SLIT1: variants seen among roughly 807,000 people sequenced by gnomAD.
SLIT1 encodes slit homolog 1 protein.
A neutral mutation model predicts 186.1 loss-of-function variants in SLIT1; 66 were observed. The observed-to-expected ratio is 0.35, with a 90% CI of 0.29 to 0.44. SLIT1 has a LOEUF of 0.44. SLIT1 is among the 20% of genes least tolerant of loss of function. The probability of loss-of-function intolerance (pLI) is 1.00; values close to 1 mark genes in which losing one functional copy is unlikely to be tolerated. For synonymous variants in SLIT1, 761 were observed against 833.8 expected (o/e 0.91, Z 1.50); for missense variants, 1,638 against 2,037.4 (o/e 0.80, Z 3.77).
intron 1 of SLIT1, among the ~76,000 whole-genome samples, chr10:97,166,422 AG>A (rs1850107614): frequency 1.3e-5 from 2 of 151,700 alleles, no homozygotes; most frequent in South Asian, 2.1e-4. Context: ...AGGCTGAGGC[AG>A]GAGAACTGCT....
At chr10:97,113,356 A>G (rs1849481660) in intron 4 of SLIT1, among the ~76,000 whole-genome samples, 1 of 151,518 alleles carries the variant, frequency 6.6e-6, no homozygotes, top group African/African-American at 2.4e-5. Flanking sequence ...GTCCTGCCTC[A>G]GCCTCCCAAG....
At chr10:97,125,625 G>A (rs893405312) in intron 4 of SLIT1, among the ~76,000 whole-genome samples, 1 of 151,552 alleles carries the variant, frequency 6.6e-6, no homozygotes, top group African/African-American at 2.4e-5. Flanking sequence ...GATCACCTGA[G>A]GTCAGGAGTT....
At chr10:97,039,501 C>T (rs150613631) in intron 21 of SLIT1, among the ~76,000 whole-genome samples, 3 of 152,274 alleles carry the variant, frequency 2.0e-5, no homozygotes, top group East Asian at 3.9e-4. Flanking sequence ...AAAAACGCAC[C>T]GCTCTCTGAC....
At chr10:97,059,605 C>T (rs1364499925) in intron 10 of SLIT1, 74 bp from the exon 11 acceptor site, 1 of 1,095,210 alleles carries the variant, frequency 9.1e-7, no homozygotes, top group African/African-American at 1.5e-5. Flanking sequence ...GTCCCCTCCA[C>T]CTCCTAGATG....
intron 28 of SLIT1, among the ~76,000 whole-genome samples, chr10:97,016,126 T>C (rs928036332): frequency 1.6e-4 from 25 of 152,072 alleles, no homozygotes; most frequent in Admixed American, 8.5e-4. Flanking sequence ...CTGGCCAACA[T>C]GGTGAAACCC....
rs575299474 is a variant in SLIT1, at chr10:97,018,999, C to G, written c.2855G>C (p.Cys952Ser). Residue 952 changes from cysteine (C) to serine (S), a missense_variant, in exon 27 of 37, where the codon TGC becomes TCC. By Grantham distance (112) the Cys-to-Ser change is moderately radical. This residue lies in a region of SLIT1 where 1,245 missense variants were observed against 1,535.3 expected (regional missense o/e 0.81). Coordinates refer to ENST00000266058, the MANE Select transcript of SLIT1 (RefSeq NM_003061.3). ...NDPLEVYRCACPSGYKGRDCE... is the reference protein window; with the variant it reads ...NDPLEVYRCASPSGYKGRDCE... ...TCCACTCACCTTATAGCCGCTGGGGCAGGCGCACCTGTACACCTCAAGGGG... is the reference window on the plus strand; with the variant it reads ...TCCACTCACCTTATAGCCGCTGGGGGAGGCGCACCTGTACACCTCAAGGGG... 2 of 1,610,846 alleles carry G rather than the reference C, an allele frequency of 1.2e-6. No homozygotes were observed. Among genetic ancestry groups the G allele is most frequent in the African/African-American group, 1.3e-5 (1 of 74,964 alleles).
chr10:97,063,184 C>CAG (rs1848909023), intron 8 of SLIT1, among the ~76,000 whole-genome samples: 2 of 151,874 alleles, frequency 1.3e-5, no homozygotes, highest in African/African-American at 4.8e-5. Context: ...AAGTGACATG[C>CAG]AGAGACAAAT....
chr10:97,002,451 C>A, intron 35 of SLIT1, 82 bp from the exon 36 acceptor site: 2 of 1,073,892 alleles, frequency 1.9e-6, no homozygotes. Context: ...CTGACACAGC[C>A]CACCCCACCC....
chr10:97,033,788 C>T (rs548278221), intron 23 of SLIT1, among the ~76,000 whole-genome samples: 4 of 151,528 alleles, frequency 2.6e-5, no homozygotes, highest in South Asian at 2.1e-4. Context: ...AAAGTCAGGA[C>T]AGCAGCTGCC....
chr10:97,183,860 C>G (rs772120457), intron 1 of SLIT1, among the ~76,000 whole-genome samples: 5 of 151,988 alleles, frequency 3.3e-5, no homozygotes, highest in Non-Finnish European at 5.9e-5. Flanking sequence ...GGAGGGTGAC[C>G]AGGCCACTGC....
intron 8 of SLIT1, 76 bp downstream of exon 8, chr10:97,063,379 C>T (rs1400377862): frequency 5.0e-5 from 76 of 1,529,516 alleles, no homozygotes; most frequent in East Asian, 4.5e-5. Context: ...GTATTAATGT[C>T]GAGATTAGGG....
intron 4 of SLIT1, among the ~76,000 whole-genome samples, chr10:97,132,380 C>T (rs185341258): frequency 6.6e-5 from 10 of 152,348 alleles, no homozygotes; most frequent in East Asian, 5.8e-4. Context: ...TTCTTTCCCA[C>T]GGTGACCCTT....
intron 21 of SLIT1, 113 bp from the exon 22 acceptor site, chr10:97,037,879 A>C: frequency 2.6e-6 from 2 of 759,626 alleles, no homozygotes; most frequent in Non-Finnish European, 4.3e-6. Flanking sequence ...TCTCCTCCAC[A>C]TAGGCCACAC....
intron 25 of SLIT1, among the ~76,000 whole-genome samples, chr10:97,024,732 A>G (rs926471174): frequency 6.6e-6 from 1 of 152,250 alleles, no homozygotes; most frequent in Non-Finnish European, 1.5e-5. Flanking sequence ...TACACAATGT[A>G]TTTCTAAGTA....
chr10:97,162,928 C>G (rs1463463913), intron 3 of SLIT1, among the ~76,000 whole-genome samples: 1 of 152,090 alleles, frequency 6.6e-6, no homozygotes, highest in East Asian at 1.9e-4. Flanking sequence ...TGAATCAGGA[C>G]AGGCCTCCAC....
At chr10:97,166,092 C>T (rs759057604) in intron 1 of SLIT1, among the ~76,000 whole-genome samples, 63 of 152,260 alleles carry the variant, frequency 4.1e-4, no homozygotes, top group Admixed American at 7.8e-4. Flanking sequence ...CACTCACGCC[C>T]CATGTTCACC....
At chr10:97,033,340 G>A (rs556554247) in intron 23 of SLIT1, among the ~76,000 whole-genome samples, 1 of 152,328 alleles carries the variant, frequency 6.6e-6, no homozygotes, top group East Asian at 1.9e-4. Flanking sequence ...GTTGGAAGGT[G>A]AATGAGATAC....
chr10:97,123,906 C>T, intron 4 of SLIT1, among the ~76,000 whole-genome samples: 1 of 152,048 alleles, frequency 6.6e-6, no homozygotes, highest in South Asian at 2.1e-4. Flanking sequence ...GCCACAAAGC[C>T]TCAGCTCTCA....
At chr10:97,164,958 T>A in intron 1 of SLIT1, 68 bp from the exon 2 acceptor site, 1 of 1,223,488 alleles carries the variant, frequency 8.2e-7, no homozygotes, top group Non-Finnish European at 1.2e-6. Flanking sequence ...GGGGCCCTGC[T>A]CCAGGTGCCC....
Sources: gnomAD v4.1 joint callset for allele counts (sites outside exome capture counted in the v4.1 genomes callset) on GRCh38, gnomAD v4.1.1 for gene constraint, gnomAD v4.1.1 regional missense constraint, MANE v1.5 for transcripts, NCBI Gene and HGNC (gene_info 2026-07-23, HGNC 2026-07-21) for gene names.